CNTNAP5: variants seen among roughly 807,000 people sequenced by gnomAD.
CNTNAP5 encodes the protein contactin-associated protein-like 5.
In CNTNAP5, 72 loss-of-function variants were observed where a neutral mutation model predicts 150.2. The observed-to-expected ratio is 0.48, with a 90% CI of 0.40 to 0.58. The LOEUF is 0.58. CNTNAP5 is among the 20% of genes least tolerant of loss of function. The pLI is 0.00. For missense variants in CNTNAP5, 1,636 were observed against 1,626.2 expected (o/e 1.01, Z -0.10); for synonymous variants, 672 against 619.8 (o/e 1.08, Z -1.25).
chr2:124,539,248 A>G (rs948341430), intron 10 of CNTNAP5, among the ~76,000 whole-genome samples: 13 of 152,230 alleles, frequency 8.5e-5, no homozygotes, highest in African/African-American at 3.1e-4. Flanking sequence ...AAGATATTTC[A>G]TAGGAAGTTC....
At chr2:124,831,048 A>T (rs1244929216) in intron 19 of CNTNAP5, among the ~76,000 whole-genome samples, 2 of 152,032 alleles carry the variant, frequency 1.3e-5, no homozygotes, top group Admixed American at 1.3e-4. Context: ...TTTCTAACAT[A>T]ACTGACAAAA....
At chr2:124,704,098 C>T (rs1679582267) in intron 13 of CNTNAP5, among the ~76,000 whole-genome samples, 2 of 152,276 alleles carry the variant, frequency 1.3e-5, no homozygotes, top group South Asian at 4.1e-4. Context: ...TCAAGGATTT[C>T]CCACATTAAA....
At chr2:124,054,734 A>G (rs1169740152) in intron 1 of CNTNAP5, among the ~76,000 whole-genome samples, 1 of 152,218 alleles carries the variant, frequency 6.6e-6, no homozygotes, top group Non-Finnish European at 1.5e-5. Flanking sequence ...TATAACTCAC[A>G]GCACTCAAGC....
intron 5 of CNTNAP5, among the ~76,000 whole-genome samples, chr2:124,444,008 A>G (rs185794623): frequency 1.0e-3 from 157 of 152,336 alleles, no homozygotes; most frequent in Admixed American, 8.4e-3. Context: ...TGTTACATCT[A>G]GAAATGACAG....
At chr2:124,652,581 C>T (rs1678345774) in intron 13 of CNTNAP5, among the ~76,000 whole-genome samples, 1 of 152,228 alleles carries the variant, frequency 6.6e-6, no homozygotes. Context: ...TCTTGAATCA[C>T]ATGGCCAATT....
chr2:124,337,181 T>C (rs1234940203), intron 3 of CNTNAP5, among the ~76,000 whole-genome samples: 1 of 152,152 alleles, frequency 6.6e-6, no homozygotes. Context: ...TTTTGAGAAG[T>C]GTCTGTTCAT....
At chr2:124,699,681 A>T (rs13407611) in intron 13 of CNTNAP5, among the ~76,000 whole-genome samples, 287 of 151,792 alleles carry the variant, frequency 1.9e-3, no homozygotes, top group African/African-American at 6.7e-3. Context: ...AGGTTAATTG[A>T]TGGAGGTGGT....
intron 13 of CNTNAP5, among the ~76,000 whole-genome samples, chr2:124,707,059 G>C (rs1679683482): frequency 7.4e-6 from 1 of 135,790 alleles, no homozygotes; most frequent in African/African-American, 2.8e-5. Context: ...AGGAGGAGGA[G>C]GAGAGGAAGA....
chr2:124,169,940 C>T (rs763489015), intron 1 of CNTNAP5, among the ~76,000 whole-genome samples: 2 of 152,206 alleles, frequency 1.3e-5, no homozygotes, highest in African/African-American at 2.4e-5. Flanking sequence ...ATAGATGTGT[C>T]TTGTCCTTCT....
At chr2:124,381,090 A>T (rs776799124) in intron 3 of CNTNAP5, among the ~76,000 whole-genome samples, 11 of 152,172 alleles carry the variant, frequency 7.2e-5, no homozygotes, top group Admixed American at 3.3e-4. Flanking sequence ...AAGGAAAAAG[A>T]AGTGCAGGGA....
chr2:124,414,766 A>G (rs1691874562), intron 3 of CNTNAP5, among the ~76,000 whole-genome samples: 2 of 152,166 alleles, frequency 1.3e-5, no homozygotes, highest in East Asian at 1.9e-4. Context: ...AATTATGCCA[A>G]ACTCAGAAGG....
At chr2:124,795,579 G>A (rs540032305) in intron 18 of CNTNAP5, among the ~76,000 whole-genome samples, 4 of 152,212 alleles carry the variant, frequency 2.6e-5, no homozygotes, top group South Asian at 2.1e-4. Context: ...GTGCAATGGC[G>A]CAATCTCAGC....
chr2:124,776,987 C>A (rs950138628), intron 17 of CNTNAP5, among the ~76,000 whole-genome samples: 1 of 151,820 alleles, frequency 6.6e-6, no homozygotes, highest in Non-Finnish European at 1.5e-5. Context: ...CTTTCAATGT[C>A]CCCTTACCAA....
At chr2:124,169,512 T>A (rs1005019013) in intron 1 of CNTNAP5, among the ~76,000 whole-genome samples, 8 of 152,306 alleles carry the variant, frequency 5.3e-5, no homozygotes, top group Non-Finnish European at 7.3e-5. Context: ...AGACTTGACA[T>A]TTATTGTGAA....
At chr2:124,501,888 T>C (rs937305716) in intron 7 of CNTNAP5, among the ~76,000 whole-genome samples, 25 of 152,144 alleles carry the variant, frequency 1.6e-4, no homozygotes, top group Non-Finnish European at 3.2e-4. Context: ...TACTTGCCTT[T>C]GGATTTGCCC....
At chr2:124,103,818 TTA>T (rs1683114187) in intron 1 of CNTNAP5, among the ~76,000 whole-genome samples, 1 of 148,056 alleles carries the variant, frequency 6.8e-6, no homozygotes, top group Non-Finnish European at 1.5e-5. Flanking sequence ...AACTTAACCA[TTA>T]TATATGTTAT....
chr2:124,507,653 G>A (rs1694444787), intron 8 of CNTNAP5, among the ~76,000 whole-genome samples: 1 of 152,084 alleles, frequency 6.6e-6, no homozygotes, highest in Admixed American at 6.5e-5. Context: ...TTAAATGTTT[G>A]GACTCTCAGT....
At chr2:124,751,187 A>G (rs1233674263) in intron 14 of CNTNAP5, among the ~76,000 whole-genome samples, 9 of 151,998 alleles carry the variant, frequency 5.9e-5, no homozygotes, top group Non-Finnish European at 1.5e-5. Context: ...CTAGTTAAAT[A>G]AATAAACAAA....
At position 124,357,379 on chromosome 2, in the gene CNTNAP5, C is replaced by A. The variant is rs540821395; in HGVS notation, c.382-60064C>A. ...TGGTGTTGTGGACATGAAGTCCTTGCCCATGCCTATGTCCTGAATGGTAAT... is the reference window on the plus strand; with the variant it reads ...TGGTGTTGTGGACATGAAGTCCTTGACCATGCCTATGTCCTGAATGGTAAT... On this transcript the variant is annotated intron_variant, in intron 3 of 23. Transcript: ENST00000682447. Among the ~76,000 whole-genome samples the A allele has an allele frequency of 5.5e-3, 830 of 152,152 alleles. 7 individuals are homozygous for A. The highest frequency in any genetic ancestry group is 0.017 in the Middle Eastern group (5 of 294).
Sources: gnomAD v4.1 joint callset for allele counts (sites outside exome capture counted in the v4.1 genomes callset) on GRCh38, gnomAD v4.1.1 for gene constraint, MANE v1.5 for transcripts, NCBI Gene and HGNC (gene_info 2026-07-23, HGNC 2026-07-21) for gene names.